SMOC2: variants seen among roughly 807,000 people sequenced by gnomAD.
SMOC2 encodes the protein SPARC-related modular calcium-binding protein 2.
SMOC2 carries 39 observed loss-of-function variants against 61.4 expected under a neutral mutation model. The ratio of observed to expected loss-of-function variants is 0.64; its 90% CI spans 0.49 to 0.83. The LOEUF (loss-of-function observed/expected upper bound fraction) is 0.83, where lower values mean the gene tolerates loss of function less well. Among genes scored for constraint, SMOC2 ranks in the 40% least tolerant of loss-of-function variants. The pLI is 0.00. For missense variants in SMOC2, 556 were observed against 592.9 expected (o/e 0.94, Z 0.65); for synonymous variants, 247 against 239.9 (o/e 1.03, Z -0.27).
chr6:168,488,589 T>A (rs922008947), intron 1 of SMOC2, among the ~76,000 whole-genome samples: 2 of 152,344 alleles, frequency 1.3e-5, no homozygotes, highest in African/African-American at 4.8e-5. Flanking sequence ...AAACTAACAT[T>A]TTCGCAGGAG....
chr6:168,600,072 C>G (rs1244826800), intron 8 of SMOC2, among the ~76,000 whole-genome samples: 2 of 152,122 alleles, frequency 1.3e-5, no homozygotes, highest in Admixed American at 1.3e-4. Context: ...TCACCCAACG[C>G]TGGGTGATGC....
intron 9 of SMOC2, among the ~76,000 whole-genome samples, chr6:168,615,283 T>TGGGGCCTCTTCACACCTACAGCCAGCAC (rs1562384013): frequency 5.2e-5 from 1 of 19,132 alleles, no homozygotes; most frequent in Non-Finnish European, 1.1e-4. Context: ...ACAGCCAGCA[T>TGGGGCCTCTTCACACCTACAGCCAGCAC]GGGGCCTCTT....
intron 7 of SMOC2, among the ~76,000 whole-genome samples, chr6:168,596,051 ACGGCAG>A (rs1785325431): frequency 1.6e-5 from 2 of 126,056 alleles, no homozygotes; most frequent in Non-Finnish European, 3.5e-5. Context: ...CCACGTGAAC[ACGGCAG>A]TGATGAGTTT....
At chr6:168,655,654 C>T (rs934981942) in intron 11 of SMOC2, among the ~76,000 whole-genome samples, 5 of 151,172 alleles carry the variant, frequency 3.3e-5, no homozygotes, top group African/African-American at 1.2e-4. Flanking sequence ...GCTAGATCCC[C>T]CTGCACGTGT....
At chr6:168,472,873 T>C (rs976919309) in intron 1 of SMOC2, among the ~76,000 whole-genome samples, 1 of 152,170 alleles carries the variant, frequency 6.6e-6, no homozygotes, top group African/African-American at 2.4e-5. Flanking sequence ...ATCGTGATGT[T>C]TTGAAGCTCT....
chr6:168,460,865 A>G (rs2115002968), intron 1 of SMOC2, among the ~76,000 whole-genome samples: 1 of 152,338 alleles, frequency 6.6e-6, no homozygotes, highest in African/African-American at 2.4e-5. Context: ...ATATTCTTTG[A>G]TTAAAATGCT....
intron 4 of SMOC2, among the ~76,000 whole-genome samples, chr6:168,530,963 C>G (rs1350853867): frequency 6.6e-6 from 1 of 152,202 alleles, no homozygotes; most frequent in Non-Finnish European, 1.5e-5. Context: ...GTTCATCCTA[C>G]AGAGCAGTGA....
chr6:168,598,046 G>A (rs1313663249), intron 7 of SMOC2, among the ~76,000 whole-genome samples: 1 of 152,246 alleles, frequency 6.6e-6, no homozygotes, highest in Non-Finnish European at 1.5e-5. Context: ...GTGAGTGAGT[G>A]TCAGTATTCA....
chr6:168,623,209 G>A (rs1786288545), intron 9 of SMOC2, among the ~76,000 whole-genome samples: 1 of 152,134 alleles, frequency 6.6e-6, no homozygotes, highest in Admixed American at 6.5e-5. Flanking sequence ...GCAAACCAAG[G>A]TCAACATGCA....
At chr6:168,512,414 G>T (rs1036711471) in intron 2 of SMOC2, among the ~76,000 whole-genome samples, 1 of 152,170 alleles carries the variant, frequency 6.6e-6, no homozygotes, top group Non-Finnish European at 1.5e-5. Context: ...AAGCCCTGGC[G>T]TGCTTTAGAA....
chr6:168,474,744 A>G (rs1291151019), intron 1 of SMOC2, among the ~76,000 whole-genome samples: 1 of 152,148 alleles, frequency 6.6e-6, no homozygotes. Flanking sequence ...TGACGAGCCC[A>G]GCAGAACAGG....
rs1454955271 is a variant in SMOC2, at chr6:168,624,677, CAT to C, written c.907+16440_907+16441del. ...AGACACAGACGCACACACACACTGA[CAT>C]AAACACACATAGATACAGATGTACA... On this transcript the variant is annotated intron_variant, in intron 9 of 12. Transcript: ENST00000356284. Among the ~76,000 whole-genome samples, 37 of 151,834 alleles carry C rather than the reference CAT, an allele frequency of 2.4e-4. 2 individuals are homozygous for C. The highest frequency in any genetic ancestry group is 2.4e-3 in the Admixed American group (36 of 15,228).
At chr6:168,640,403 C>A (rs906644539) in intron 9 of SMOC2, among the ~76,000 whole-genome samples, 51 of 152,246 alleles carry the variant, frequency 3.3e-4, no homozygotes, top group African/African-American at 1.2e-3. Context: ...CCGGGGGCTG[C>A]TGCAGACGCT....
chr6:168,448,333 G>A (rs1028103982), intron 1 of SMOC2, among the ~76,000 whole-genome samples: 3 of 152,082 alleles, frequency 2.0e-5, no homozygotes, highest in Admixed American at 6.5e-5. Context: ...TGGCACTGGG[G>A]AGGAGGATGG....
chr6:168,485,741 T>A lies in SMOC2; in HGVS notation c.85-24174T>A, dbSNP rs113741138. On this transcript the variant is annotated intron_variant, in intron 1 of 12. Coordinates refer to ENST00000356284, the MANE Select transcript of SMOC2 (RefSeq NM_001166412.2). ...GGGGAGATGATGAAAAAAATTTTAA[T>A]ATCGATTGTGTTAATAGTGTTGTGG... Among the ~76,000 whole-genome samples the A allele has an allele frequency of 1.7e-3, 265 of 152,276 alleles. 3 individuals carry two copies. The highest frequency in any genetic ancestry group is 6.0e-3 in the African/African-American group (250 of 41,556).
chr6:168,472,650 T>C (rs937909722), intron 1 of SMOC2, among the ~76,000 whole-genome samples: 5 of 152,168 alleles, frequency 3.3e-5, no homozygotes, highest in Admixed American at 6.5e-5. Context: ...TAAAATGCTA[T>C]TGCTTTTGGA....
intron 7 of SMOC2, among the ~76,000 whole-genome samples, chr6:168,590,110 G>A: frequency 1.8e-5 from 2 of 111,528 alleles, no homozygotes; most frequent in African/African-American, 3.8e-5. Flanking sequence ...TAGTTTAGGG[G>A]GCAGCCGGCC....
intron 1 of SMOC2, among the ~76,000 whole-genome samples, chr6:168,490,775 A>G (rs1282785004): frequency 1.3e-5 from 2 of 152,188 alleles, no homozygotes; most frequent in East Asian, 3.9e-4. Flanking sequence ...AAATCCCTCC[A>G]TTCTGACCAC....
chr6:168,589,501 T>A (rs893792566), intron 7 of SMOC2, among the ~76,000 whole-genome samples: 1 of 152,200 alleles, frequency 6.6e-6, no homozygotes, highest in Non-Finnish European at 1.5e-5. Context: ...TCCAGGCCAG[T>A]GCACATATAG....
Sources: gnomAD v4.1 joint callset for allele counts (sites outside exome capture counted in the v4.1 genomes callset) on GRCh38, gnomAD v4.1.1 for gene constraint, MANE v1.5 for transcripts, NCBI Gene and HGNC (gene_info 2026-07-23, HGNC 2026-07-21) for gene names.